MSI2: variants seen among roughly 807,000 people sequenced by gnomAD.
The protein encoded by MSI2 is musashi RNA binding protein 2, also known as RNA-binding protein Musashi homolog 2.
Under a neutral mutation model 45.6 loss-of-function variants are expected in MSI2, and 17 were observed. The observed-to-expected ratio is 0.37, with a 90% CI of 0.26 to 0.56. MSI2 has a LOEUF of 0.56. MSI2 is among the 20% of genes least tolerant of loss of function. MSI2 has a pLI of 0.77. For synonymous variants in MSI2, 156 were observed against 158.2 expected, an observed-to-expected ratio of 0.99 and a Z score of 0.11; for missense variants, 293 against 444.2, an observed-to-expected ratio of 0.66 and a Z score of 3.06.
intron 5 of MSI2, among the ~76,000 whole-genome samples, chr17:57,344,721 C>T (rs1009779633): frequency 5.9e-5 from 9 of 152,090 alleles, no homozygotes; most frequent in African/African-American, 1.2e-4. Flanking sequence ...GGGTTCACAC[C>T]ACACCTCCAA....
intron 5 of MSI2, among the ~76,000 whole-genome samples, chr17:57,367,518 C>A (rs1917280488): frequency 6.6e-6 from 1 of 152,164 alleles, no homozygotes; most frequent in Non-Finnish European, 1.5e-5. Context: ...CCTTTGGTTC[C>A]ATGGCCTGCC....
chr17:57,365,962 G>T (rs1013902939), intron 5 of MSI2, among the ~76,000 whole-genome samples: 1 of 152,068 alleles, frequency 6.6e-6, no homozygotes, highest in Non-Finnish European at 1.5e-5. Flanking sequence ...ACCCAGGCTG[G>T]ATGCAGTGGG....
chr17:57,403,729 T>G (rs2084033076), intron 6 of MSI2, among the ~76,000 whole-genome samples: 2 of 152,188 alleles, frequency 1.3e-5, no homozygotes, highest in Admixed American at 1.3e-4. Context: ...TGTGTCCCCT[T>G]GGGCAGGACT....
At chr17:57,667,824 A>G (rs985589408) in intron 11 of MSI2, among the ~76,000 whole-genome samples, 1 of 150,824 alleles carries the variant, frequency 6.6e-6, no homozygotes, top group African/African-American at 2.4e-5. Context: ...CACCTTCCCA[A>G]CCCGCCAGTC....
chr17:57,405,366 G>A (rs534706335), intron 6 of MSI2, among the ~76,000 whole-genome samples: 4 of 152,314 alleles, frequency 2.6e-5, no homozygotes, highest in Admixed American at 6.5e-5. Flanking sequence ...ACAAAAACAG[G>A]TGATGAACCA....
chr17:57,411,306 C>G (rs7207545), intron 6 of MSI2, among the ~76,000 whole-genome samples: 1 of 152,116 alleles, frequency 6.6e-6, no homozygotes, highest in African/African-American at 2.4e-5. Context: ...CACACTCAGC[C>G]GATTTTTATT....
the MSI2 span, among the ~76,000 whole-genome samples, chr17:57,694,744 T>C: frequency 1.3e-5 from 2 of 152,178 alleles, no homozygotes; most frequent in African/African-American, 4.8e-5. Context: ...GGCCTTAGAA[T>C]CCCTGGCCCC....
chr17:57,581,285 T>A (rs1416674412), intron 7 of MSI2, among the ~76,000 whole-genome samples: 1 of 152,154 alleles, frequency 6.6e-6, no homozygotes, highest in African/African-American at 2.4e-5. Flanking sequence ...AGTTCTGGGA[T>A]TACAGGTGTG....
chr17:57,601,471 C>T (rs529450901), intron 8 of MSI2: 50 of 152,400 alleles, frequency 3.3e-4, no homozygotes, highest in African/African-American at 1.1e-3. Flanking sequence ...ATAATGCCTC[C>T]CGTGGCGTCC....
chr17:57,505,453 C>T (rs888097495), intron 6 of MSI2, among the ~76,000 whole-genome samples: 6 of 152,162 alleles, frequency 3.9e-5, no homozygotes, highest in African/African-American at 1.2e-4. Flanking sequence ...TATATTCTTA[C>T]ATTTTCCTTG....
intron 6 of MSI2, among the ~76,000 whole-genome samples, chr17:57,490,811 C>T (rs532701072): frequency 1.6e-3 from 241 of 152,344 alleles, no homozygotes; most frequent in Non-Finnish European, 2.9e-3. Flanking sequence ...CTCCAATCTT[C>T]CAGATTTTCT....
At chr17:57,567,600 G>T (rs1374681829) in intron 7 of MSI2, among the ~76,000 whole-genome samples, 2 of 152,360 alleles carry the variant, frequency 1.3e-5, no homozygotes, top group East Asian at 3.9e-4. Flanking sequence ...GCGACTGCCA[G>T]TCTCTCTCTG....
At chr17:57,663,396 A>G (rs1231204137) in intron 11 of MSI2, among the ~76,000 whole-genome samples, 3 of 152,242 alleles carry the variant, frequency 2.0e-5, no homozygotes, top group Non-Finnish European at 4.4e-5. Flanking sequence ...TAAACATTTG[A>G]TGCCTGCGTG....
intron 5 of MSI2, among the ~76,000 whole-genome samples, chr17:57,284,954 T>C (rs1909744506): frequency 6.6e-6 from 1 of 151,996 alleles, no homozygotes. Flanking sequence ...ATTGAAACTA[T>C]GGAGCTTAGC....
chr17:57,602,057 A>T (rs1017204499), intron 8 of MSI2: 2 of 152,210 alleles, frequency 1.3e-5, no homozygotes, highest in African/African-American at 4.8e-5. Flanking sequence ...TATCAAGAAG[A>T]GTTTTTATTT....
At chr17:57,388,978 CTTCT>C (rs1052763453) in intron 5 of MSI2, among the ~76,000 whole-genome samples, 2 of 127,598 alleles carry the variant, frequency 1.6e-5, no homozygotes, top group African/African-American at 2.8e-5. Flanking sequence ...TCTTCTTCTT[CTTCT>C]TTTTTTTTTT....
At chr17:57,487,024 A>G (rs2085767955) in intron 6 of MSI2, among the ~76,000 whole-genome samples, 1 of 152,204 alleles carries the variant, frequency 6.6e-6, no homozygotes, top group South Asian at 2.1e-4. Context: ...TAGGGAGGGG[A>G]AAAGCTGCCA....
chr17:57,257,419 TC>T (rs1310101722), intron 2 of MSI2, 46 bp from the exon 3 acceptor site: 4 of 1,070,708 alleles, frequency 3.7e-6, no homozygotes, highest in Non-Finnish European at 5.5e-6. Flanking sequence ...GCTTTTTTTT[TC>T]CACACCTTCT....
At chr17:57,389,080 G>A (rs1180658493) in intron 5 of MSI2, among the ~76,000 whole-genome samples, 1 of 150,616 alleles carries the variant, frequency 6.6e-6, no homozygotes, top group African/African-American at 2.4e-5. Flanking sequence ...CCAGATTCAA[G>A]CAATTCTTCT....
Sources: gnomAD v4.1 joint callset for allele counts (sites outside exome capture counted in the v4.1 genomes callset) on GRCh38, gnomAD v4.1.1 for gene constraint, MANE v1.5 for transcripts, NCBI Gene and HGNC (gene_info 2026-07-23, HGNC 2026-07-21) for gene names.